TENM4: variants seen among roughly 807,000 people sequenced by gnomAD.
TENM4 encodes the protein teneurin transmembrane protein 4.
TENM4 carries 82 observed loss-of-function variants against 243.3 expected under a neutral mutation model. The ratio of observed to expected loss-of-function variants is 0.34; its 90% CI spans 0.28 to 0.40. The LOEUF is 0.40. Ranked by LOEUF, TENM4 falls within the 10% of genes least tolerant of loss-of-function variation. The pLI is 1.00. For missense variants in TENM4, 3,138 were observed against 3,673.3 expected (o/e 0.85, Z 3.77); for synonymous variants, 1,412 against 1,456.3 (o/e 0.97, Z 0.69).
intron 3 of TENM4, among the ~76,000 whole-genome samples, chr11:79,175,418 A>G (rs1007943553): frequency 6.6e-6 from 1 of 152,224 alleles, no homozygotes; most frequent in African/African-American, 2.4e-5. Context: ...GAATAGAAGA[A>G]TAAATAAAAG....
At chr11:79,158,358 C>T (rs1469928217) in intron 3 of TENM4, among the ~76,000 whole-genome samples, 4 of 152,192 alleles carry the variant, frequency 2.6e-5, no homozygotes, top group African/African-American at 9.7e-5. Flanking sequence ...CAGACACAGG[C>T]AAGACCCTGC....
At chr11:79,212,930 C>A (rs1364069867) in intron 3 of TENM4, among the ~76,000 whole-genome samples, 2 of 152,170 alleles carry the variant, frequency 1.3e-5, no homozygotes, top group African/African-American at 4.8e-5. Flanking sequence ...CTCTGGGCTG[C>A]AATGCCAGAT....
chr11:79,390,069 A>G (rs1324277453), intron 1 of TENM4, among the ~76,000 whole-genome samples: 1 of 152,214 alleles, frequency 6.6e-6, no homozygotes, highest in Non-Finnish European at 1.5e-5. Flanking sequence ...GGAAGCAGCC[A>G]TCGTTTAGTC....
intron 2 of TENM4, among the ~76,000 whole-genome samples, chr11:79,220,416 C>T (rs1285236964): frequency 6.6e-6 from 1 of 152,192 alleles, no homozygotes; most frequent in Non-Finnish European, 1.5e-5. Flanking sequence ...ACCCAGTCAC[C>T]AGCTGTGCAG....
chr11:79,109,366 G>A (rs184880909), intron 4 of TENM4, among the ~76,000 whole-genome samples: 2 of 152,302 alleles, frequency 1.3e-5, no homozygotes, highest in East Asian at 1.9e-4. Flanking sequence ...GGTGAGGGGA[G>A]CTTCCTTCAG....
rs371993500 is a variant in TENM4 at position 78,712,634 on chromosome 11, C to T, written c.3902G>A (p.Arg1301Gln). 46 of 1,613,830 alleles carry T rather than the reference C, an allele frequency of 2.9e-5. No homozygotes were observed. Among genetic ancestry groups the T allele is most frequent in the Admixed American group, 5.0e-5 (3 of 59,996 alleles). The change falls in exon 26 of 34, where the codon CGG becomes CAG. Residue 1301 changes from arginine (R) to glutamine (Q), a missense_variant. By Grantham distance (43) the Arg-to-Gln change is conservative. Transcript: ENST00000278550. ...AVFLSDSNSR[R>Q]VFKIKSTVVV... ...CACAGTGGACTTGATTTTAAAGACC[C>T]GCCGGCTGTTGCTGTCAGAAAGGAA...
chr11:79,237,199 T>C (rs1251069375), intron 2 of TENM4, among the ~76,000 whole-genome samples: 2 of 152,190 alleles, frequency 1.3e-5, no homozygotes, highest in Non-Finnish European at 2.9e-5. Flanking sequence ...TTTATGTCTT[T>C]ATCTCCCCTA....
At chr11:78,984,958 G>A (rs907672851) in intron 6 of TENM4, among the ~76,000 whole-genome samples, 3 of 152,152 alleles carry the variant, frequency 2.0e-5, no homozygotes, top group African/African-American at 7.2e-5. Flanking sequence ...GAGTTCTACT[G>A]GAGAGTGCTG....
intron 19 of TENM4, among the ~76,000 whole-genome samples, chr11:78,741,047 A>G (rs1222861172): frequency 6.6e-6 from 1 of 152,202 alleles, no homozygotes; most frequent in African/African-American, 2.4e-5. Flanking sequence ...TAAATCCTGG[A>G]GAAAAACACT....
intron 6 of TENM4, among the ~76,000 whole-genome samples, chr11:79,008,505 A>C (rs1361990066): frequency 6.6e-6 from 1 of 152,266 alleles, no homozygotes; most frequent in African/African-American, 2.4e-5. Flanking sequence ...TAGTTTTGAC[A>C]TAGCTATGAT....
intron 2 of TENM4, among the ~76,000 whole-genome samples, 158 bp from the exon 3 acceptor site, chr11:79,216,067 C>A (rs1051930813): frequency 3.3e-5 from 5 of 152,200 alleles, no homozygotes; most frequent in Non-Finnish European, 4.4e-5. Flanking sequence ...AAAGTGGGGT[C>A]CTGGCACCCT....
intron 2 of TENM4, among the ~76,000 whole-genome samples, chr11:79,235,216 G>A (rs1257602528): frequency 1.3e-5 from 2 of 152,194 alleles, no homozygotes; most frequent in Non-Finnish European, 2.9e-5. Context: ...GGGAGGCTGA[G>A]GCAGGAGAAT....
intron 23 of TENM4, among the ~76,000 whole-genome samples, chr11:78,723,161 G>C (rs545315767): frequency 4.6e-5 from 7 of 152,320 alleles, no homozygotes; most frequent in Admixed American, 4.6e-4. Flanking sequence ...TACTGTAACA[G>C]GGGACTGTCC....
intron 1 of TENM4, among the ~76,000 whole-genome samples, chr11:79,390,495 C>T (rs1858209411): frequency 6.6e-6 from 1 of 152,216 alleles, no homozygotes; most frequent in Non-Finnish European, 1.5e-5. Context: ...TCACAAGTAT[C>T]ACCCACTATA....
chr11:78,734,936 C>T (rs570417728), intron 20 of TENM4, among the ~76,000 whole-genome samples: 2 of 152,234 alleles, frequency 1.3e-5, no homozygotes, highest in Non-Finnish European at 2.9e-5. Flanking sequence ...TTGGCTGTTA[C>T]TGCAGTTAAA....
rs190257884 is a variant in TENM4, at chr11:78,769,937, C to A, written c.2539+1055G>T. Among the ~76,000 whole-genome samples, 306 of 152,306 alleles carry A rather than the reference C, an allele frequency of 2.0e-3. 1 individual carries two copies. The highest frequency in any genetic ancestry group is 6.9e-3 in the African/African-American group (288 of 41,560). On this transcript the variant is annotated intron_variant, in intron 18 of 33. Coordinates refer to ENST00000278550, the MANE Select transcript of TENM4 (RefSeq NM_001098816.3). ...TTATGGTGCTTTGGGGTTTGAGAAT[C>A]CCTCTAAATAGAAAATTCCCAAAGG...
chr11:78,874,028 A>G lies in TENM4; in HGVS notation c.1085-10896T>C, dbSNP rs537516959. Among the ~76,000 whole-genome samples the G allele has an allele frequency of 7.2e-5, 11 of 152,160 alleles. No homozygotes were observed. In the South Asian group the frequency reaches 2.1e-3, roughly 29 times the overall value. On this transcript the variant is annotated intron_variant, in intron 9 of 33. Transcript: ENST00000278550. ...CCAGCCAAAAGTAGCCACTGCCCTC[A>G]GCCCTGGGCCCTTATCATTATTTCT... is the stretch of plus-strand genomic sequence containing the variant.
chr11:79,113,340 A>G (rs1169158194), intron 4 of TENM4, among the ~76,000 whole-genome samples: 1 of 151,124 alleles, frequency 6.6e-6, no homozygotes, highest in Non-Finnish European at 1.5e-5. Flanking sequence ...CATATCCTGA[A>G]TCTCTGAACT....
chr11:79,161,268 AG>A (rs1862741228), intron 3 of TENM4, among the ~76,000 whole-genome samples: 1 of 152,198 alleles, frequency 6.6e-6, no homozygotes, highest in South Asian at 2.1e-4. Context: ...CGTCTTCTTG[AG>A]GATAAACTTC....
Sources: gnomAD v4.1 joint callset for allele counts (sites outside exome capture counted in the v4.1 genomes callset) on GRCh38, gnomAD v4.1.1 for gene constraint, MANE v1.5 for transcripts, NCBI Gene and HGNC (gene_info 2026-07-23, HGNC 2026-07-21) for gene names.